The following TCF7 variants were observed in gnomAD, a reference collection of about 807,000 sequenced individuals.
TCF7 encodes the protein transcription factor 7.
In TCF7, 19 loss-of-function variants were observed where a neutral mutation model predicts 46.8. That is an observed-to-expected ratio of 0.41 (90% confidence interval 0.28 to 0.60). TCF7 has a LOEUF of 0.60. Ranked by LOEUF, TCF7 falls within the 20% of genes least tolerant of loss-of-function variation. The pLI, the probability that TCF7 is intolerant of heterozygous loss-of-function variation, is 0.35. For missense variants in TCF7, 547 were observed against 504.6 expected, an observed-to-expected ratio of 1.08 and a Z score of -0.81; for synonymous variants, 245 against 213.4, an observed-to-expected ratio of 1.15 and a Z score of -1.29.
chr5:134,114,056 G>A (rs1341112287), upstream of TCF7, among the ~76,000 whole-genome samples: 1 of 152,226 alleles, frequency 6.6e-6, no homozygotes, highest in African/African-American at 2.4e-5. Context: ...CCTGACTGAG[G>A]GGCCCGTCAC....
At position 134,143,575 on chromosome 5, in the gene TCF7, C is replaced by T. The variant is rs1257966959; in HGVS notation, c.1027-17C>T. ...CTGCCTCCCAGATCTGAGCATCCCTCCTTTTGTTCCCTGCAGGGGAAGAAG... is the reference window on the plus strand; with the variant it reads ...CTGCCTCCCAGATCTGAGCATCCCTTCTTTTGTTCCCTGCAGGGGAAGAAG... On this transcript the variant is annotated splice_polypyrimidine_tract_variant and intron_variant, in intron 8 of 9. Coordinates refer to ENST00000342854, the MANE Select transcript of TCF7 (RefSeq NM_003202.5). 6.2e-7 allele frequency: 1 copy of T among 1,614,014 alleles called. No individual in the cohort carries two copies. Among genetic ancestry groups the T allele is most frequent in the Non-Finnish European group, 8.5e-7 (1 of 1,180,010 alleles).
chr5:134,144,519 A>G (rs759174829), intron 9 of TCF7: 24 of 450,478 alleles, frequency 5.3e-5, no homozygotes, highest in Non-Finnish European at 9.3e-5. Context: ...CCCACAAGCC[A>G]CAGAGATGAG....
intron 4 of TCF7, 133 bp from the exon 5 acceptor site, chr5:134,138,818 C>G (rs750700891): frequency 1.3e-4 from 182 of 1,370,686 alleles, no homozygotes; most frequent in Non-Finnish European, 1.7e-4. Context: ...CCTGAATAAA[C>G]TAGTTTATGT....
rs73790191 is a variant in TCF7 at position 134,146,058 on chromosome 5, C to A, written c.1076-166C>A. The A allele has an allele frequency of 3.8e-3, 5,995 of 1,563,754 alleles. 210 individuals carry two copies. The African/African-American group carries it at 0.072, about 19-fold the overall frequency. On this transcript the variant is annotated intron_variant, in intron 9 of 9. Coordinates refer to ENST00000342854, the MANE Select transcript of TCF7 (RefSeq NM_003202.5). ...GAACTGCACCTGTCCTAGGTCTGGG[C>A]CAGACCAAGCAGAATGGCAGTCTGA...
At chr5:134,110,168 T>A (rs1755311487), upstream of TCF7, among the ~76,000 whole-genome samples, 1 of 152,216 alleles carries the variant, frequency 6.6e-6, no homozygotes, top group Non-Finnish European at 1.5e-5. Flanking sequence ...GCTCTTCTCA[T>A]AATTTGCCCA....
chr5:134,117,236 G>A (rs1346003013), intron 3 of TCF7, among the ~76,000 whole-genome samples: 1 of 152,234 alleles, frequency 6.6e-6, no homozygotes, highest in Non-Finnish European at 1.5e-5. Context: ...TGGTATATGA[G>A]GTGGTTCACT....
At chr5:134,135,370 CGG>C (rs1758717817) in intron 3 of TCF7, among the ~76,000 whole-genome samples, 2 of 152,058 alleles carry the variant, frequency 1.3e-5, no homozygotes, top group African/African-American at 4.8e-5. Context: ...TGAGGACTGG[CGG>C]AGGGGCAGGA....
chr5:134,142,249 C>T lies in TCF7; in HGVS notation c.700C>T (p.Pro234Ser). The change falls in exon 6 of 10, where the codon CCG (proline) becomes TCG (serine). Residue 234 changes from proline (P) to serine (S), a missense_variant. Transcript: ENST00000342854. ...TGGTCACCCAGCAGCCATCCCCCAC[C>T]CGGCCATTGTGCCCCCCTCAGGGAA... ...VPGHPAAIPH[P>S]AIVPPSGKQE... 6.2e-7 allele frequency: 1 copy of T among 1,610,446 alleles called. No homozygotes were observed. Among genetic ancestry groups the T allele is most frequent in the Non-Finnish European group, 8.5e-7 (1 of 1,177,218 alleles).
intron 3 of TCF7, among the ~76,000 whole-genome samples, chr5:134,116,455 G>A (rs1226571822): frequency 6.6e-6 from 1 of 152,264 alleles, no homozygotes; most frequent in Non-Finnish European, 1.5e-5. Context: ...GGAATGGGCA[G>A]GAAAGCTGAT....
intron 3 of TCF7, among the ~76,000 whole-genome samples, chr5:134,123,135 C>G (rs1044465588): frequency 1.3e-5 from 2 of 152,156 alleles, no homozygotes; most frequent in Non-Finnish European, 2.9e-5. Flanking sequence ...TGAGTGGCAG[C>G]GGTGGTAGAG....
At chr5:134,113,934 C>T (rs892249992), upstream of TCF7, among the ~76,000 whole-genome samples, 1 of 152,160 alleles carries the variant, frequency 6.6e-6, no homozygotes, top group African/African-American at 2.4e-5. Context: ...TCCGAGTCTC[C>T]GGGCTGCAGG....
rs748561799 is a variant in TCF7, at chr5:134,138,144, C to T, written c.527C>T (p.Ala176Val). 16 of 1,613,456 alleles carry T rather than the reference C, an allele frequency of 9.9e-6. No individual in the cohort carries two copies. The South Asian group carries it at 1.2e-4, about 12-fold the overall frequency. ...AGCCCACATCCCACCCCTGCACCTGCGGACATCAGCCAGAAGCAAGGTACA... is the reference window on the plus strand; with the variant it reads ...AGCCCACATCCCACCCCTGCACCTGTGGACATCAGCCAGAAGCAAGGTACA... Reference protein sequence around the residue: ...FNSPHPTPAPADISQKQVHRP... With the variant: ...FNSPHPTPAPVDISQKQVHRP... The change falls in exon 4 of 10, where the codon GCG becomes GTG. Residue 176 changes from alanine to valine, a missense_variant. By Grantham distance (64) the Ala-to-Val change is moderately conservative. Coordinates refer to ENST00000342854, the MANE Select transcript of TCF7 (RefSeq NM_003202.5).
At chr5:134,143,541 T>C in intron 8 of TCF7, 51 bp from the exon 9 acceptor site, 1 of 1,610,592 alleles carries the variant, frequency 6.2e-7, no homozygotes, top group Non-Finnish European at 8.5e-7. Context: ...GCTGTGGGTA[T>C]CCCAATGTCT....
intron 5 of TCF7, chr5:134,141,477 G>C (rs867626216): frequency 6.6e-6 from 1 of 152,544 alleles, no homozygotes; most frequent in Admixed American, 6.5e-5. Context: ...GCCCAGTATA[G>C]CAAGTGTAGA....
intron 5 of TCF7, 154 bp from the exon 6 acceptor site, chr5:134,142,031 T>G: frequency 9.6e-7 from 1 of 1,040,640 alleles, no homozygotes; most frequent in Non-Finnish European, 1.4e-6. Context: ...GGTATTTGTA[T>G]TTATCTCTGT....
At chr5:134,123,642 G>C (rs1375861689) in intron 3 of TCF7, 1 of 455,092 alleles carries the variant, frequency 2.2e-6, no homozygotes, top group Non-Finnish European at 4.4e-6. Flanking sequence ...GGTCTACGAA[G>C]GATGTGCGGT....
At chr5:134,144,822 TG>T in intron 9 of TCF7, 5 of 1,614,198 alleles carry the variant, frequency 3.1e-6, no homozygotes, top group Non-Finnish European at 4.2e-6. Flanking sequence ...AGAAATGCCG[TG>T]CTCGCTTTGG....
chr5:134,143,477 G>A (rs1421489612), intron 8 of TCF7, 115 bp from the exon 9 acceptor site: 2 of 1,258,246 alleles, frequency 1.6e-6, no homozygotes, highest in Non-Finnish European at 2.3e-6. Context: ...AGCACCCCAA[G>A]GTAGGAGGGG....
At chr5:134,114,492 C>T (rs1252295502), upstream of TCF7, among the ~76,000 whole-genome samples, 1 of 152,088 alleles carries the variant, frequency 6.6e-6, no homozygotes, top group African/African-American at 2.4e-5. Flanking sequence ...AGAGTCTCTG[C>T]GTTTCGGGAG....
Sources: allele counts gnomAD v4.1 joint callset (sites outside exome capture counted in the v4.1 genomes callset), GRCh38; gene constraint gnomAD v4.1.1; transcripts MANE v1.5; gene names NCBI Gene and HGNC (gene_info 2026-07-23, HGNC 2026-07-21).